Variants in CDC5L observed in about 807,000 individuals in gnomAD.
The protein encoded by CDC5L is cell division cycle 5-like protein.
Under a neutral mutation model 104.1 loss-of-function variants are expected in CDC5L, and 18 were observed. The observed-to-expected ratio is 0.17, with a 90% CI of 0.12 to 0.26. CDC5L has a LOEUF of 0.26. Ranked by LOEUF, CDC5L falls within the 10% of genes least tolerant of loss-of-function variation. The pLI is 1.00. For synonymous variants in CDC5L, 331 were observed against 322.7 expected (o/e 1.03, Z -0.28); for missense variants, 673 against 956.9 (o/e 0.70, Z 3.91).
intron 13 of CDC5L, among the ~76,000 whole-genome samples, chr6:44,429,280 G>A (rs1194987651): frequency 6.6e-6 from 1 of 151,964 alleles, no homozygotes; most frequent in East Asian, 1.9e-4. Flanking sequence ...TCAGCCTCCC[G>A]AAGTGCTGGG....
At chr6:44,423,719 G>C (rs1792292813) in intron 10 of CDC5L, among the ~76,000 whole-genome samples, 1 of 152,172 alleles carries the variant, frequency 6.6e-6, no homozygotes, top group Non-Finnish European at 1.5e-5. Context: ...CTGGGTACCA[G>C]GAGGCTTTTT....
At chr6:44,400,810 C>T (rs1791087563) in intron 5 of CDC5L, among the ~76,000 whole-genome samples, 1 of 152,204 alleles carries the variant, frequency 6.6e-6, no homozygotes, top group African/African-American at 2.4e-5. Flanking sequence ...TTTGACATTC[C>T]TTTCCCTGTT....
Position 44,410,233 on chromosome 6 carries a change from C to T in CDC5L, c.1092+1601C>T, listed in dbSNP as rs140819061. Among the ~76,000 whole-genome samples, 50 of 152,230 alleles carry T rather than the reference C, an allele frequency of 3.3e-4. 1 individual carries two copies. In the East Asian group the frequency reaches 8.9e-3, roughly 27 times the overall value. On this transcript the variant is annotated intron_variant, in intron 8 of 15. Transcript: ENST00000371477. The stretch of plus-strand genomic sequence containing the variant: ...CAGATATCTCCCTGGTTCCCTCACC[C>T]CTCAGCCTCTAGTAACCACCATTTT...
rs1006568146 is a variant in CDC5L, at chr6:44,408,582, G to A, written c.1042G>A (p.Val348Ile). 15 of 1,613,314 alleles carry A rather than the reference G, an allele frequency of 9.3e-6. No individual in the cohort carries two copies. Among genetic ancestry groups the A allele is most frequent in the Non-Finnish European group, 1.2e-5 (14 of 1,179,436 alleles). The part of the protein sequence containing the change: ...LSEYNVTNNS[V>I]ALRTPRTPAS... ...TGAGTACAATGTCACCAACAACAGC[G>A]TTGCTCTTAGAACACCACGAACACC... The change falls in exon 8 of 16, where the codon GTT (valine) becomes ATT (isoleucine). Residue 348 changes from valine to isoleucine, a missense_variant. By Grantham distance (29) the Val-to-Ile change is conservative (BLOSUM62 3). Transcript: ENST00000371477.
intron 14 of CDC5L, among the ~76,000 whole-genome samples, chr6:44,436,607 A>G (rs774830707): frequency 6.6e-6 from 1 of 152,196 alleles, no homozygotes; most frequent in Non-Finnish European, 1.5e-5. Context: ...AAAAAATCTT[A>G]TAAGAATTTT....
chr6:44,399,006 C>T (rs931996142), intron 5 of CDC5L, among the ~76,000 whole-genome samples: 1 of 152,178 alleles, frequency 6.6e-6, no homozygotes, highest in Non-Finnish European at 1.5e-5. Flanking sequence ...TTCTCTGTTG[C>T]CTAGGCTTTA....
intron 9 of CDC5L, among the ~76,000 whole-genome samples, chr6:44,421,829 G>T (rs149037130): frequency 2.6e-3 from 391 of 152,236 alleles, no homozygotes; most frequent in African/African-American, 8.9e-3. Context: ...TTGAGTATCT[G>T]CAGGGAGTTG....
intron 8 of CDC5L, among the ~76,000 whole-genome samples, chr6:44,408,899 A>G (rs1178540020): frequency 6.6e-6 from 1 of 152,072 alleles, no homozygotes; most frequent in Non-Finnish European, 1.5e-5. Flanking sequence ...CCTGTCAGTA[A>G]AGCATAGTTT....
At chr6:44,408,694 C>T in intron 8 of CDC5L, 62 bp downstream of exon 8, 3 of 1,253,882 alleles carry the variant, frequency 2.4e-6, no homozygotes, top group African/African-American at 1.5e-5. Flanking sequence ...AAGTATCATG[C>T]AGGAGAACTA....
chr6:44,441,756 C>T (rs1052612481), intron 14 of CDC5L, among the ~76,000 whole-genome samples: 3 of 151,806 alleles, frequency 2.0e-5, no homozygotes, highest in Non-Finnish European at 2.9e-5. Flanking sequence ...ACTTGTATGT[C>T]GTCTTTTGAG....
At chr6:44,423,745 T>C (rs1318032972) in intron 10 of CDC5L, among the ~76,000 whole-genome samples, 1 of 152,242 alleles carries the variant, frequency 6.6e-6, no homozygotes, top group Non-Finnish European at 1.5e-5. Flanking sequence ...ACCAGGACTC[T>C]ACTTTCTTTC....
chr6:44,445,877 T>C lies in CDC5L; in HGVS notation c.2304+10T>C, dbSNP rs1793428169. 1 of 1,589,152 alleles carries C rather than the reference T, an allele frequency of 6.3e-7. No individual in the cohort carries two copies. The highest frequency in any genetic ancestry group is 8.6e-7 in the Non-Finnish European group (1 of 1,157,948). ...TCCCCGGAGGCTAGAGGTAACGTTA[T>C]ATATTGAACTGTTGTTTAAAAAGAG... On this transcript the variant is annotated intron_variant, in intron 15 of 15. Coordinates refer to ENST00000371477, the MANE Select transcript of CDC5L (RefSeq NM_001253.4).
rs1217986255 is a variant in CDC5L at position 44,414,430 on chromosome 6, G to GTGTA, written c.1093-5018_1093-5017insGTAT. Among the ~76,000 whole-genome samples, 712 of 141,104 alleles carry GTGTA rather than the reference G, an allele frequency of 5.0e-3. 21 individuals are homozygous for GTGTA. The highest frequency in any genetic ancestry group is 0.017 in the African/African-American group (626 of 36,592). The allele number at this position is 141,104 out of a possible 152,430, so 92.6% of individuals were successfully genotyped here. On this transcript the variant is annotated intron_variant, in intron 8 of 15. Transcript: ENST00000371477. ...TGTGTGTGTGTGTGTGTGTGTGTGT[G>GTGTA]TATTTTTTTTTAGAAATAGCTATTC...
In CDC5L at chr6:44,446,786, A is replaced by G; in HGVS notation, c.*75A>G. Reference sequence around the variant, plus strand: ...CTCTAGAAGGCTGAAACTGATGTTTATCTTCATTGACAAATTTACCCACCA... The same window carrying G: ...CTCTAGAAGGCTGAAACTGATGTTTGTCTTCATTGACAAATTTACCCACCA... On this transcript the variant is annotated 3_prime_UTR_variant, in exon 16 of 16. Transcript: ENST00000371477. The G allele has an allele frequency of 5.7e-6, 4 of 707,780 alleles. No homozygotes were observed. The South Asian group carries it at 7.5e-5, about 13-fold the overall frequency. 43.8% of individuals were successfully genotyped at this position (707,780 alleles called of 1,614,324 possible).
intron 4 of CDC5L, 46 bp downstream of exon 4, chr6:44,393,619 T>C: frequency 3.8e-6 from 6 of 1,567,806 alleles, no homozygotes; most frequent in Non-Finnish European, 5.2e-6. Flanking sequence ...AACTGTAAAC[T>C]CCTTGGGCCT....
At position 44,443,864 on chromosome 6, in the gene CDC5L, G is replaced by T. The variant is rs541349804; in HGVS notation, c.2092-1791G>T. 8.7e-3 allele frequency among the ~76,000 whole-genome samples: 1,184 copies of T among 136,792 alleles called. 19 individuals are homozygous for T. Among genetic ancestry groups the T allele is most frequent in the African/African-American group, 0.03 (1,113 of 36,664 alleles). 89.7% of individuals were successfully genotyped at this position (136,792 alleles called of 152,430 possible). A position where few individuals can be genotyped will look rare whatever the true frequency, so the allele number is the denominator to read the frequency against. On this transcript the variant is annotated intron_variant, in intron 14 of 15. Transcript: ENST00000371477. ...TTTATTTTGTTGCTTTTTTTTTTTT[G>T]GAATATATTTTCCTATTTCTTAATT... is the stretch of plus-strand genomic sequence containing the variant.
intron 14 of CDC5L, among the ~76,000 whole-genome samples, chr6:44,441,486 T>A (rs1056522874): frequency 6.6e-6 from 1 of 152,230 alleles, no homozygotes; most frequent in Admixed American, 6.5e-5. Context: ...AGAAGTGGAA[T>A]GGCTGGATTG....
In CDC5L at chr6:44,446,959, A is replaced by G. The variant is rs888142332; in HGVS notation, c.*248A>G. ...TAATGTCATATTTGCAAACTTTTTT[A>G]GTTTTGGCCTTTAATTTAAAAAGCC... On this transcript the variant is annotated 3_prime_UTR_variant, in exon 16 of 16. Transcript: ENST00000371477. 47 of 275,516 alleles carry G rather than the reference A, an allele frequency of 1.7e-4. No individual in the cohort carries two copies. The highest frequency in any genetic ancestry group is 7.9e-4 in the African/African-American group (36 of 45,590). 17.1% of individuals were successfully genotyped at this position (275,516 alleles called of 1,614,324 possible). A position where few individuals can be genotyped will look rare whatever the true frequency, so the allele number is the denominator to read the frequency against.
chr6:44,422,945 T>C (rs1437004614), intron 10 of CDC5L, 136 bp downstream of exon 10: 1 of 470,006 alleles, frequency 2.1e-6, no homozygotes, highest in African/African-American at 2.0e-5. Context: ...GAAAAAGAAT[T>C]ATTTGTAAGA....
Sources: allele counts gnomAD v4.1 joint callset (sites outside exome capture counted in the v4.1 genomes callset), GRCh38; gene constraint gnomAD v4.1.1; transcripts MANE v1.5; gene names NCBI Gene and HGNC (gene_info 2026-07-23, HGNC 2026-07-21).